Variants in TMEM232 observed in about 807,000 individuals in gnomAD.
TMEM232 encodes the protein transmembrane protein 232.
A neutral mutation model predicts 78.8 loss-of-function variants in TMEM232; 80 were observed. The observed-to-expected ratio is 1.01, with a 90% CI of 0.85 to 1.22. The LOEUF is 1.22. Among genes scored for constraint, TMEM232 ranks in the 50% most tolerant of loss-of-function variants. TMEM232 has a pLI of 0.00. For missense variants in TMEM232, 881 were observed against 742.2 expected (o/e 1.19, Z -2.17); for synonymous variants, 297 against 254.3 (o/e 1.17, Z -1.60).
At chr5:110,643,779 G>A (rs535590854) in intron 2 of TMEM232, among the ~76,000 whole-genome samples, 3 of 152,080 alleles carry the variant, frequency 2.0e-5, no homozygotes, top group Admixed American at 1.3e-4. Flanking sequence ...TCCTACTGGG[G>A]AGACAGATCT....
chr5:110,508,096 A>G (rs1767161260), intron 12 of TMEM232, among the ~76,000 whole-genome samples: 1 of 152,150 alleles, frequency 6.6e-6, no homozygotes, highest in Non-Finnish European at 1.5e-5. Flanking sequence ...CTTTAAGCAA[A>G]TAGTTTCATG....
intron 12 of TMEM232, among the ~76,000 whole-genome samples, chr5:110,453,097 A>C (rs1162063876): frequency 2.0e-5 from 3 of 152,176 alleles, no homozygotes; most frequent in Non-Finnish European, 4.4e-5. Flanking sequence ...GATAATTGCT[A>C]TTCCTTGTTA....
intron 12 of TMEM232, among the ~76,000 whole-genome samples, chr5:110,450,985 A>C (rs560633888): frequency 6.6e-6 from 1 of 151,770 alleles, no homozygotes; most frequent in Admixed American, 6.6e-5. Context: ...TAGGTCCTCC[A>C]AGGAAAGATC....
At chr5:110,575,597 T>C (rs185476118) in intron 10 of TMEM232, among the ~76,000 whole-genome samples, 5 of 152,098 alleles carry the variant, frequency 3.3e-5, no homozygotes, top group Non-Finnish European at 5.9e-5. Context: ...ATACAGCACC[T>C]TCAAATGAAC....
At chr5:110,636,935 A>G (rs931662256) in intron 5 of TMEM232, among the ~76,000 whole-genome samples, 5 of 151,982 alleles carry the variant, frequency 3.3e-5, no homozygotes, top group Non-Finnish European at 7.4e-5. Flanking sequence ...GCATAAAACT[A>G]TATTTTGTAG....
chr5:110,571,247 G>C (rs1294837264), intron 10 of TMEM232, among the ~76,000 whole-genome samples: 2 of 152,006 alleles, frequency 1.3e-5, no homozygotes, highest in African/African-American at 4.8e-5. Flanking sequence ...ATAGCAAAGT[G>C]CCTACAACAA....
intron 1 of TMEM232, among the ~76,000 whole-genome samples, chr5:110,684,470 A>C (rs1259826587): frequency 6.6e-6 from 1 of 152,116 alleles, no homozygotes; most frequent in African/African-American, 2.4e-5. Context: ...GGAAACGTGA[A>C]ATCCAAGATA....
intron 12 of TMEM232, among the ~76,000 whole-genome samples, chr5:110,453,615 G>A (rs147534105): frequency 8.5e-5 from 13 of 152,196 alleles, no homozygotes; most frequent in Non-Finnish European, 1.6e-4. Context: ...TTGATAGTAC[G>A]GTGCTTATTC....
intron 1 of TMEM232, among the ~76,000 whole-genome samples, chr5:110,693,453 A>C (rs1794381486): frequency 6.6e-6 from 1 of 152,256 alleles, no homozygotes; most frequent in Admixed American, 6.5e-5. Context: ...AGCTGGATAG[A>C]GAATGACTTT....
chr5:110,721,667 G>GTATATATATATATATATATATATA (rs1277641654), intron 1 of TMEM232, among the ~76,000 whole-genome samples: 124 of 10,438 alleles, frequency 0.012, 3 homozygotes, highest in Middle Eastern at 0.062. Flanking sequence ...GTGTGTGTGT[G>GTATATATATATATATATATATATA]TGTGTGTATA....
intron 10 of TMEM232, among the ~76,000 whole-genome samples, chr5:110,604,578 A>G (rs1474838670): frequency 6.6e-6 from 1 of 152,230 alleles, no homozygotes; most frequent in Non-Finnish European, 1.5e-5. Flanking sequence ...AGGTTTGCCT[A>G]AATCCATCTT....
intron 12 of TMEM232, among the ~76,000 whole-genome samples, chr5:110,484,651 C>T (rs189676404): frequency 5.9e-5 from 9 of 151,714 alleles, no homozygotes; most frequent in Non-Finnish European, 7.4e-5. Context: ...CAAAATAGAG[C>T]GGGAGTGTCT....
At chr5:110,490,130 AAAGAAAG>A (rs922769712) in intron 12 of TMEM232, among the ~76,000 whole-genome samples, 1 of 73,256 alleles carries the variant, frequency 1.4e-5, no homozygotes, top group Non-Finnish European at 2.5e-5. Context: ...AAAAAGAAAG[AAAGAAAG>A]AAAGAAAGAA....
chr5:110,416,499 C>T (rs559554759), downstream of TMEM232, among the ~76,000 whole-genome samples: 11 of 152,302 alleles, frequency 7.2e-5, no homozygotes, highest in African/African-American at 2.4e-4. Flanking sequence ...CACTGGCAGA[C>T]ACAAAGTGAA....
intron 12 of TMEM232, among the ~76,000 whole-genome samples, chr5:110,454,665 G>A (rs1448583107): frequency 1.3e-5 from 2 of 151,972 alleles, no homozygotes; most frequent in East Asian, 3.9e-4. Flanking sequence ...CAAAATTTGG[G>A]AGATGCAGTT....
intron 2 of TMEM232, among the ~76,000 whole-genome samples, chr5:110,644,072 C>A (rs1396762230): frequency 6.6e-6 from 1 of 151,886 alleles, no homozygotes; most frequent in Non-Finnish European, 1.5e-5. Flanking sequence ...CTTAGTGGAG[C>A]TTGCAGTACA....
intron 12 of TMEM232, among the ~76,000 whole-genome samples, chr5:110,511,444 TAAAAA>T (rs888646524): frequency 6.9e-6 from 1 of 145,984 alleles, no homozygotes; most frequent in Admixed American, 6.8e-5. Flanking sequence ...AAGTATAATT[TAAAAA>T]AAAAAGAAAA....
chr5:110,631,028 C>T (rs1321983860), intron 5 of TMEM232, among the ~76,000 whole-genome samples: 1 of 152,058 alleles, frequency 6.6e-6, no homozygotes, highest in Non-Finnish European at 1.5e-5. Flanking sequence ...GAGAGTACAG[C>T]CATCATGGGG....
chr5:110,625,957 T>A (rs1478027818), intron 6 of TMEM232, among the ~76,000 whole-genome samples: 2 of 146,564 alleles, frequency 1.4e-5, no homozygotes, highest in African/African-American at 2.5e-5. Context: ...ATCATCTCAG[T>A]GCTGCTCTTT....
Sources: gnomAD v4.1 joint callset for allele counts (sites outside exome capture counted in the v4.1 genomes callset) on GRCh38, gnomAD v4.1.1 for gene constraint, MANE v1.5 for transcripts, NCBI Gene and HGNC (gene_info 2026-07-23, HGNC 2026-07-21) for gene names.